The following CLEC18C variants were observed in gnomAD, a reference collection of about 807,000 sequenced individuals.
The protein encoded by CLEC18C is C-type lectin domain family 18 member C, also known as mannose receptor-like 3.
In CLEC18C, 2 loss-of-function variants were observed where a neutral mutation model predicts 27.2. The observed-to-expected ratio is 0.07, with a 90% CI of 0.03 to 0.23. The LOEUF (loss-of-function observed/expected upper bound fraction) is 0.23, where lower values mean the gene tolerates loss of function less well. Among genes scored for constraint, CLEC18C ranks in the 10% least tolerant of loss-of-function variants. The pLI, the probability that CLEC18C is intolerant of heterozygous loss-of-function variation, is 1.00. For missense variants in CLEC18C, 31 were observed against 269.0 expected, an observed-to-expected ratio of 0.12 and a Z score of 6.19; for synonymous variants, 13 against 112.8, an observed-to-expected ratio of 0.12 and a Z score of 5.61.
chr16:70,179,838 C>T (rs1313368225), intron 4 of CLEC18C, among the ~76,000 whole-genome samples: 3 of 143,966 alleles, frequency 2.1e-5, no homozygotes, highest in Middle Eastern at 3.4e-3. Context: ...GTACTCCTGA[C>T]GTCAGGTAAT....
In CLEC18C at chr16:70,185,988, C is replaced by T; in HGVS notation, c.1303+12C>T. On this transcript the variant is annotated intron_variant, in intron 12 of 12. Transcript: ENST00000541793. ...CATCTGCCAGTTTGGTGAGGGACTT[C>T]CTGAGGCTCCCCTTCTCTGATCTCT... The T allele has an allele frequency of 6.3e-7, 1 of 1,585,446 alleles. No homozygotes were observed.
rs1451292185 is a variant in CLEC18C at position 70,177,555 on chromosome 16, T to A, written c.456+75T>A. The A allele has an allele frequency of 1.2e-4, 164 of 1,319,172 alleles. 40 individuals are homozygous for A. The highest frequency in any genetic ancestry group is 1.6e-4 in the Non-Finnish European group (157 of 971,072). 81.7% of individuals were successfully genotyped at this position (1,319,172 alleles called of 1,614,324 possible). On this transcript the variant is annotated intron_variant, in intron 4 of 12. Coordinates refer to ENST00000541793, the MANE Select transcript of CLEC18C (RefSeq NM_173619.4). ...TCCACTGGTCCATCTCAGAAGAGGC[T>A]ACAGTTTGTCCTAAATGTTGGGATT...
rs202190409 is a variant in CLEC18C at position 70,178,875 on chromosome 16, C to A, written c.456+1395C>A. Among the ~76,000 whole-genome samples the A allele has an allele frequency of 5.0e-4, 28 of 56,178 alleles. No homozygotes were observed. In the East Asian group the frequency reaches 0.011, roughly 23 times the overall value. 36.9% of individuals were successfully genotyped at this position (56,178 alleles called of 152,430 possible). A position where few individuals can be genotyped will look rare whatever the true frequency, so the allele number is the denominator to read the frequency against. On this transcript the variant is annotated intron_variant, in intron 4 of 12. Transcript: ENST00000541793. ...TTTAAATATTACACAAGGCTGGGTGCGGTGGCTCACGCCCGTAATCCCAGC... is the reference window on the plus strand; with the variant it reads ...TTTAAATATTACACAAGGCTGGGTGAGGTGGCTCACGCCCGTAATCCCAGC...
chr16:70,186,225 C>T (rs1434984023), intron 12 of CLEC18C, among the ~76,000 whole-genome samples: 2 of 148,356 alleles, frequency 1.3e-5, no homozygotes, highest in Admixed American at 1.3e-4. Context: ...GGGGATTTCT[C>T]CAAGGACCCT....
intron 4 of CLEC18C, among the ~76,000 whole-genome samples, chr16:70,179,687 CCCAGG>C (rs1183330090): frequency 1.4e-5 from 2 of 146,170 alleles, no homozygotes; most frequent in South Asian, 2.1e-4. Flanking sequence ...TGCTCTGTTG[CCCAGG>C]CCAGAGTGCA....
At chr16:70,175,640 CCTCCATTGTCTGGG>C (rs1197556124) in intron 3 of CLEC18C, among the ~76,000 whole-genome samples, 4 of 114,330 alleles carry the variant, frequency 3.5e-5, no homozygotes, top group African/African-American at 1.9e-4. Context: ...GAAACGCTGC[CCTCCATTGTCTGGG>C]ACCCCAGCAG....
At chr16:70,181,638 A>AAAAT (rs1478480583) in intron 4 of CLEC18C, among the ~76,000 whole-genome samples, 232 of 9,762 alleles carry the variant, frequency 0.024, 29 homozygotes, top group East Asian at 0.075. Context: ...CTCCATCTCA[A>AAAAT]AAATAAATAA....
chr16:70,173,844 G>A lies in CLEC18C; in HGVS notation c.-214G>A, dbSNP rs1326815886. On this transcript the variant is annotated 5_prime_UTR_variant, in exon 1 of 13. Transcript: ENST00000541793. ...CGAGGTCCTCCTCCCAGGGCCCGGG[G>A]CTGGGGAGCGGAAGCCATCAGTGGG... 1 of 193,298 alleles carries A rather than the reference G, an allele frequency of 5.2e-6. No individual in the cohort carries two copies. The highest frequency in any genetic ancestry group is 1.6e-4 in the East Asian group (1 of 6,316). The allele number at this position is 193,298 out of a possible 1,614,324, so 12.0% of individuals were successfully genotyped here. A position where few individuals can be genotyped will look rare whatever the true frequency, so the allele number is the denominator to read the frequency against.
chr16:70,177,828 A>T (rs1597407302), intron 4 of CLEC18C, among the ~76,000 whole-genome samples: 1 of 67,272 alleles, frequency 1.5e-5, no homozygotes. Flanking sequence ...TTGGTCTTGA[A>T]CTCCTGGCCT....
At chr16:70,175,778 T>G in intron 3 of CLEC18C, among the ~76,000 whole-genome samples, 1 of 113,884 alleles carries the variant, frequency 8.8e-6, no homozygotes, top group Admixed American at 9.2e-5. Context: ...GTGGCGACCT[T>G]GAGCACTCTA....
At chr16:70,179,355 G>A (rs1229176914) in intron 4 of CLEC18C, among the ~76,000 whole-genome samples, 2 of 122,424 alleles carry the variant, frequency 1.6e-5, no homozygotes, top group Non-Finnish European at 3.5e-5. Flanking sequence ...CGCCTCCTGG[G>A]TTCACACCAT....
chr16:70,176,423 C>T (rs967239844), intron 3 of CLEC18C, among the ~76,000 whole-genome samples: 3 of 146,556 alleles, frequency 2.0e-5, no homozygotes, highest in Non-Finnish European at 4.5e-5. Context: ...TTGCCAGGCC[C>T]ACTTGTTTAA....
At chr16:70,176,660 C>T (rs1166621751) in intron 3 of CLEC18C, among the ~76,000 whole-genome samples, 6 of 136,230 alleles carry the variant, frequency 4.4e-5, no homozygotes, top group Non-Finnish European at 9.1e-5. Context: ...ACCTGGGAGG[C>T]GGAGGTTGCA....
rs1219639057 is a variant in CLEC18C, at chr16:70,177,572, G to A, written c.456+92G>A. On this transcript the variant is annotated intron_variant, in intron 4 of 12. Coordinates refer to ENST00000541793, the MANE Select transcript of CLEC18C (RefSeq NM_173619.4). ...GAAGAGGCTACAGTTTGTCCTAAAT[G>A]TTGGGATTCCTTTTCCTCCAATTGG... 20 of 1,292,438 alleles carry A rather than the reference G, an allele frequency of 1.5e-5. 3 individuals are homozygous for A. Among genetic ancestry groups the A allele is most frequent in the Non-Finnish European group, 2.0e-5 (19 of 964,634 alleles). The allele number at this position is 1,292,438 out of a possible 1,614,324, so 80.1% of individuals were successfully genotyped here. A position where few individuals can be genotyped will look rare whatever the true frequency, so the allele number is the denominator to read the frequency against.
In CLEC18C at chr16:70,174,889, T is replaced by C; in HGVS notation, c.125-58T>C. The C allele has an allele frequency of 5.3e-6, 5 of 943,980 alleles. 1 individual carries two copies. Among genetic ancestry groups the C allele is most frequent in the Non-Finnish European group, 8.0e-6 (5 of 627,518 alleles). 58.5% of individuals were successfully genotyped at this position (943,980 alleles called of 1,614,324 possible). A position where few individuals can be genotyped will look rare whatever the true frequency, so the allele number is the denominator to read the frequency against. ...GCAGGGACACATGCTTATTCTGCCG[T>C]GTGTTGGGTTCAGGTCCCCCCATCC... On this transcript the variant is annotated intron_variant, in intron 2 of 12. Coordinates refer to ENST00000541793, the MANE Select transcript of CLEC18C (RefSeq NM_173619.4).
intron 12 of CLEC18C, 71 bp downstream of exon 12, chr16:70,186,047 GCAAGGGTAT>G: frequency 6.6e-7 from 1 of 1,505,486 alleles, no homozygotes. Flanking sequence ...GGTCCAGCCT[GCAAGGGTAT>G]CTAGGTGGCA....
Position 70,177,398 on chromosome 16 carries a change from G to A in CLEC18C, c.374G>A (p.Ser125Asn). The A allele has an allele frequency of 1.2e-6, 2 of 1,612,652 alleles. No homozygotes were observed. Among genetic ancestry groups the A allele is most frequent in the Non-Finnish European group, 8.5e-7 (1 of 1,179,742 alleles). ...TTGGCGTCCTTTGTTGAAGTGGTCA[G>A]CCTATGGTTTGCAGAGGGGCAGCGG... ...AGLASFVEVV[S>N]LWFAEGQRYS... Residue 125 changes from serine (S) to asparagine (N), a missense_variant, in exon 4 of 13, where the codon AGC becomes AAC. By Grantham distance (46) the Ser-to-Asn change is conservative. Transcript: ENST00000541793.
intron 11 of CLEC18C, chr16:70,185,609 C>G: frequency 2.2e-6 from 1 of 458,554 alleles, no homozygotes; most frequent in Non-Finnish European, 3.5e-6. Flanking sequence ...GTGTACCTCT[C>G]AAGTGGGCTG....
chr16:70,186,245 T>G (rs536538438), intron 12 of CLEC18C, among the ~76,000 whole-genome samples: 1 of 148,904 alleles, frequency 6.7e-6, no homozygotes, highest in Admixed American at 6.7e-5. Flanking sequence ...TCTCCTGTCA[T>G]GAAAGCTGCT....
Sources: gnomAD v4.1 joint callset for allele counts (sites outside exome capture counted in the v4.1 genomes callset) on GRCh38, gnomAD v4.1.1 for gene constraint, MANE v1.5 for transcripts, NCBI Gene and HGNC (gene_info 2026-07-23, HGNC 2026-07-21) for gene names.